Variants in ANO7 observed in about 807,000 individuals in gnomAD.
ANO7 encodes anoctamin 7.
ANO7 carries 114 observed loss-of-function variants against 115.8 expected under a neutral mutation model. The observed-to-expected ratio is 0.98, with a 90% CI of 0.85 to 1.15. ANO7 has a LOEUF of 1.15. Among genes scored for constraint, ANO7 ranks in the 50% most tolerant of loss-of-function variants. The pLI is 0.00. For missense variants in ANO7, 1,302 were observed against 1,201.2 expected (o/e 1.08, Z -1.24); for synonymous variants, 550 against 498.2 (o/e 1.10, Z -1.38).
Position 241,212,081 on chromosome 2 carries a change from C to G in ANO7, c.1562-13C>G, listed in dbSNP as rs751335536. The G allele has an allele frequency of 1.2e-6, 2 of 1,612,860 alleles. No homozygotes were observed. Among genetic ancestry groups the G allele is most frequent in the Non-Finnish European group, 1.7e-6 (2 of 1,179,046 alleles). The stretch of plus-strand genomic sequence containing the variant: ...CTCCCCCAGGGACTGAGCCCAGGCT[C>G]TCCATGCCACAGAAATGCACCGCAC... On this transcript the variant is annotated splice_polypyrimidine_tract_variant and intron_variant, in intron 15 of 24. Transcript: ENST00000674324.
intron 10 of ANO7, 44 bp from the exon 11 acceptor site, chr2:241,207,530 C>G (rs1170787566): frequency 1.3e-6 from 2 of 1,562,932 alleles, no homozygotes; most frequent in Admixed American, 3.3e-5. Flanking sequence ...GCAAGCAGCC[C>G]CCCTCCCCCA....
rs1559443100 is a variant in ANO7, at chr2:241,200,293, G to A, written c.554+68G>A. The A allele has an allele frequency of 1.9e-5, 29 of 1,555,678 alleles. No individual in the cohort carries two copies. In the East Asian group the frequency reaches 2.3e-4, roughly 12 times the overall value. On this transcript the variant is annotated intron_variant, in intron 6 of 24. Coordinates refer to ENST00000674324, the MANE Select transcript of ANO7 (RefSeq NM_001370694.2). ...AGTGGGAGTCGGTGAATGAGTGAGC[G>A]GAACTTGGTGCTTCCCCAGGACTCT...
chr2:241,212,609 G>A lies in ANO7; in HGVS notation c.1711G>A (p.Gly571Arg), dbSNP rs1310969414. The change falls in exon 17 of 25, where the codon GGA becomes AGA. Residue 571 changes from glycine (G) to arginine (R), a missense_variant. Gly to Arg is a moderately radical substitution (Grantham distance 125, BLOSUM62 -2). Transcript: ENST00000674324. ...CCCAGGCAACTACCACACCTTGTTT[G>A]GAGTCCGCAATGAGGAGGTGAGTGT... ...GYPGNYHTLF[G>R]VRNEECAAGG... 4 of 1,613,182 alleles carry A rather than the reference G, an allele frequency of 2.5e-6. No homozygotes were observed. Among genetic ancestry groups the A allele is most frequent in the Non-Finnish European group, 3.4e-6 (4 of 1,179,700 alleles).
At chr2:241,238,581 G>C in the ANO7 span, 2 of 1,274,912 alleles carry the variant, frequency 1.6e-6, no homozygotes, top group Non-Finnish European at 2.1e-6. This position sits in a 1 kb window ranked among gnomAD's most constrained non-coding sequence, Gnocchi z 4.9. Flanking sequence ...CAGTATGTGC[G>C]ACAGCCCCGC....
In ANO7 at chr2:241,188,991, C is replaced by T. The variant is rs111488321; in HGVS notation, c.-8+225C>T. On this transcript the variant is annotated intron_variant, in intron 1 of 24. Coordinates refer to ENST00000674324, the MANE Select transcript of ANO7 (RefSeq NM_001370694.2). This position sits in a 1 kb window ranked among gnomAD's most constrained non-coding sequence, Gnocchi z 4.3. ...CACCCAGCTGGGGTTGGCTTCCTGC[C>T]TGCCCAGGGGCTCCCCCATGGAGCA... is the stretch of plus-strand genomic sequence containing the variant. Among the ~76,000 whole-genome samples, 377 of 152,346 alleles carry T rather than the reference C, an allele frequency of 2.5e-3. 1 individual carries two copies. The highest frequency in any genetic ancestry group is 8.3e-3 in the African/African-American group (347 of 41,596).
At chr2:241,191,295 A>C (rs1381093261) in intron 3 of ANO7, 44 bp downstream of exon 3, 1 of 1,609,296 alleles carries the variant, frequency 6.2e-7, no homozygotes, top group Admixed American at 1.7e-5. Context: ...GTTGGTCCTG[A>C]GGGTGGGGAC....
the ANO7 span, among the ~76,000 whole-genome samples, chr2:241,231,775 C>G: frequency 6.6e-6 from 1 of 152,204 alleles, no homozygotes; most frequent in Admixed American, 6.5e-5. Flanking sequence ...GCAGACCAAG[C>G]AGACAGTTCA....
intron 10 of ANO7, among the ~76,000 whole-genome samples, chr2:241,205,823 C>A (rs1290201947): frequency 1.1e-5 from 1 of 89,846 alleles, no homozygotes; most frequent in Non-Finnish European, 2.3e-5. Flanking sequence ...CAGGAGTGCT[C>A]CCAGGCTGAC....
chr2:241,227,300 G>C (rs1002698238), downstream of ANO7: 1 of 152,486 alleles, frequency 6.6e-6, no homozygotes, highest in African/African-American at 2.4e-5. Context: ...ATCTGGTTTC[G>C]GGTTTTATTT....
the ANO7 span, chr2:241,238,391 C>T: frequency 9.5e-6 from 3 of 316,360 alleles, no homozygotes; most frequent in African/African-American, 4.3e-5. This position sits in a 1 kb window ranked among gnomAD's most constrained non-coding sequence, Gnocchi z 4.9. Context: ...TGAGGCTGCA[C>T]GCTCCTCATC....
the ANO7 span, chr2:241,233,752 T>C: frequency 6.3e-7 from 1 of 1,588,636 alleles, no homozygotes; most frequent in Non-Finnish European, 8.6e-7. This position sits in a 1 kb window ranked among gnomAD's most constrained non-coding sequence, Gnocchi z 4.3. Context: ...ATCTGGTTAC[T>C]GCTCCCAAGT....
chr2:241,200,540 C>G (rs376870019), intron 6 of ANO7, among the ~76,000 whole-genome samples: 1 of 152,176 alleles, frequency 6.6e-6, no homozygotes, highest in South Asian at 2.1e-4. Flanking sequence ...TCTCAGGGCC[C>G]GGGCGATGGA....
At chr2:241,204,109 CCGGGGCACAGCAT>C (rs2068535403) in intron 9 of ANO7, among the ~76,000 whole-genome samples, 1 of 152,206 alleles carries the variant, frequency 6.6e-6, no homozygotes, top group Non-Finnish European at 1.5e-5. Flanking sequence ...GGAAGGGCAG[CCGGGGCACAGCAT>C]CGGGGCAGAG....
intron 19 of ANO7, 68 bp from the exon 20 acceptor site, chr2:241,217,617 CG>C (rs1189875445): frequency 4.0e-6 from 6 of 1,507,956 alleles, no homozygotes; most frequent in Non-Finnish European, 5.4e-6. Flanking sequence ...CGGTCCTCCG[CG>C]GGGGGCGCGT....
Position 241,210,275 on chromosome 2 carries a change from G to A in ANO7, c.1360-20G>A, listed in dbSNP as rs187302131. On this transcript the variant is annotated intron_variant, in intron 13 of 24. Coordinates refer to ENST00000674324, the MANE Select transcript of ANO7 (RefSeq NM_001370694.2). Reference sequence around the variant, plus strand: ...CCCAAGACACCGTGAAGGGTCTCACGGGCCTCCCTGCCCCCGCAGGTGGCC... The same window carrying A: ...CCCAAGACACCGTGAAGGGTCTCACAGGCCTCCCTGCCCCCGCAGGTGGCC... 1.1e-4 allele frequency: 183 copies of A among 1,613,012 alleles called. 1 individual carries two copies. The highest frequency in any genetic ancestry group is 8.2e-4 in the East Asian group (37 of 44,866).
chr2:241,209,595 C>T lies in ANO7; in HGVS notation c.1319C>T (p.Ala440Val), dbSNP rs57677160. The change falls in exon 13 of 25, where the codon GCG becomes GTG. Residue 440 changes from alanine (A) to valine (V), a missense_variant. Physicochemically the swap from Ala to Val is moderately conservative, Grantham distance 64 (BLOSUM62 0). Coordinates refer to ENST00000674324, the MANE Select transcript of ANO7 (RefSeq NM_001370694.2). ...CCCTACTTCCCTGAGAGGAGCCGCG[C>T]GCGCCGCATGCTGGCCGGCTCTGTG... The part of the protein sequence containing the change: ...DEPYFPERSR[A>V]RRMLAGSVVI... 373,895 of 1,597,164 alleles carry T rather than the reference C, an allele frequency of 0.23. 47,391 individuals are homozygous for T. The highest frequency in any genetic ancestry group is 0.27 in the Non-Finnish European group (312,249 of 1,172,166).
rs190539839 is a variant in ANO7 at position 241,217,564 on chromosome 2, G to A, written c.1973-122G>A. 9.2e-4 allele frequency: 1,051 copies of A among 1,140,492 alleles called. 6 individuals carry two copies. The African/African-American group carries it at 0.014, about 15-fold the overall frequency. 70.6% of individuals were successfully genotyped at this position (1,140,492 alleles called of 1,614,324 possible). On this transcript the variant is annotated intron_variant, in intron 19 of 24. Coordinates refer to ENST00000674324, the MANE Select transcript of ANO7 (RefSeq NM_001370694.2). Reference sequence around the variant, plus strand: ...GGACGAGGGAGACCAGGAGGTGGGGGCGGAATGAGCCGCGATGGGGTGGCG... The same window carrying A: ...GGACGAGGGAGACCAGGAGGTGGGGACGGAATGAGCCGCGATGGGGTGGCG...
chr2:241,217,951 G>GGGCGGGGCGGGGGGCAGCGGGGGCGC (rs2068882433), intron 20 of ANO7, 60 bp downstream of exon 20: 1 of 148,002 alleles, frequency 6.8e-6, no homozygotes, highest in East Asian at 3.0e-4. Context: ...GGGCGGGGGG[G>GGGCGGGGCGGGGGGCAGCGGGGGCGC]GCAGCGGGGG....
At chr2:241,202,068 C>G (rs185924945) in intron 7 of ANO7, 126 bp from the exon 8 acceptor site, 2 of 713,502 alleles carry the variant, frequency 2.8e-6, no homozygotes. Flanking sequence ...TCCATCAGAT[C>G]GCTATTGTCA....
Sources: gnomAD v4.1 joint callset for allele counts (sites outside exome capture counted in the v4.1 genomes callset) on GRCh38, gnomAD v4.1.1 for gene constraint, Gnocchi (gnomAD v3.1) non-coding constraint, MANE v1.5 for transcripts, NCBI Gene and HGNC (gene_info 2026-07-23, HGNC 2026-07-21) for gene names.